Variants in SH3GL2 observed in about 807,000 individuals in gnomAD.
The protein encoded by SH3GL2 is endophilin-A1.
A neutral mutation model predicts 46.0 loss-of-function variants in SH3GL2; 24 were observed. That is an observed-to-expected ratio of 0.52 (90% confidence interval 0.38 to 0.73). The LOEUF (loss-of-function observed/expected upper bound fraction) is 0.73. SH3GL2 is among the 30% of genes least tolerant of loss of function. The pLI is 0.00. For synonymous variants in SH3GL2, 196 were observed against 147.1 expected, an observed-to-expected ratio of 1.33 and a Z score of -2.40; for missense variants, 413 against 424.2, an observed-to-expected ratio of 0.97 and a Z score of 0.23.
intron 1 of SH3GL2, among the ~76,000 whole-genome samples, chr9:17,722,015 A>C (rs1588273266): frequency 6.6e-6 from 1 of 152,096 alleles, no homozygotes; most frequent in Non-Finnish European, 1.5e-5. Context: ...TATGATTTTC[A>C]TCACAGTAGC....
intron 1 of SH3GL2, among the ~76,000 whole-genome samples, chr9:17,734,552 A>G (rs1822271697): frequency 6.6e-6 from 1 of 152,254 alleles, no homozygotes; most frequent in Admixed American, 6.5e-5. Flanking sequence ...GTAGCACACA[A>G]TGTCCATTAA....
chr9:17,645,697 G>GC (rs1448567572), intron 1 of SH3GL2, among the ~76,000 whole-genome samples: 1 of 152,044 alleles, frequency 6.6e-6, no homozygotes, highest in Non-Finnish European at 1.5e-5. Context: ...TTGAATATTG[G>GC]CCCCCACTGT....
In SH3GL2 at chr9:17,657,559, A is replaced by G. The variant is rs12004945; in HGVS notation, c.45+78272A>G. ...TGTTTCCTCTCTGTGAATTAAGGAA[A>G]GTAGTAAAACTACCCTGCCTCCCAA... On this transcript the variant is annotated intron_variant, in intron 1 of 8. Coordinates refer to ENST00000380607, the MANE Select transcript of SH3GL2 (RefSeq NM_003026.5). Among the ~76,000 whole-genome samples, 208 of 152,324 alleles carry G rather than the reference A, an allele frequency of 1.4e-3. 1 individual carries two copies. The highest frequency in any genetic ancestry group is 4.8e-3 in the African/African-American group (201 of 41,570).
intron 1 of SH3GL2, among the ~76,000 whole-genome samples, chr9:17,662,908 G>A (rs1820257151): frequency 6.6e-6 from 1 of 151,950 alleles, no homozygotes; most frequent in Non-Finnish European, 1.5e-5. Flanking sequence ...ACAGGGTTTT[G>A]CCATGTTGGC....
chr9:17,610,201 C>T (rs1171714200), intron 1 of SH3GL2, among the ~76,000 whole-genome samples: 1 of 152,172 alleles, frequency 6.6e-6, no homozygotes, highest in African/African-American at 2.4e-5. Flanking sequence ...TAGCAAAATG[C>T]ACATAAGTGT....
rs143054688 is a variant in SH3GL2, at chr9:17,586,594, C to G, written c.45+7307C>G. ...CACAGTTCTGCATGGCTAGGGAGGG[C>G]TCAGGAAACTTACAGTCATGGCAGA... is the stretch of plus-strand genomic sequence containing the variant. On this transcript the variant is annotated intron_variant, in intron 1 of 8. Coordinates refer to ENST00000380607, the MANE Select transcript of SH3GL2 (RefSeq NM_003026.5). 1.2e-3 allele frequency among the ~76,000 whole-genome samples: 183 copies of G among 152,176 alleles called. 1 individual carries two copies. In the East Asian group the frequency reaches 0.017, roughly 14 times the overall value.
intron 1 of SH3GL2, among the ~76,000 whole-genome samples, chr9:17,658,835 T>C (rs1273127430): frequency 6.6e-6 from 1 of 152,224 alleles, no homozygotes; most frequent in Non-Finnish European, 1.5e-5. Context: ...TCACCACTGC[T>C]TGCTCTACCA....
intron 7 of SH3GL2, among the ~76,000 whole-genome samples, chr9:17,792,463 T>C (rs1186282246): frequency 6.6e-6 from 1 of 152,180 alleles, no homozygotes; most frequent in Admixed American, 6.5e-5. Flanking sequence ...GCATATCTCT[T>C]ACATACTTTG....
chr9:17,696,564 T>G (rs1291346323), intron 1 of SH3GL2, among the ~76,000 whole-genome samples: 1 of 152,058 alleles, frequency 6.6e-6, no homozygotes, highest in African/African-American at 2.4e-5. Flanking sequence ...AAAGGCACCT[T>G]CTTCACAGGG....
chr9:17,586,427 T>C (rs1054250909), intron 1 of SH3GL2, among the ~76,000 whole-genome samples: 3 of 152,192 alleles, frequency 2.0e-5, no homozygotes, highest in East Asian at 3.8e-4. Flanking sequence ...AAACTAACCT[T>C]TCCCCATAGA....
rs145091685 is a variant in SH3GL2 at position 17,708,331 on chromosome 9, A to G, written c.46-38735A>G. Among the ~76,000 whole-genome samples, 1,284 of 152,078 alleles carry G rather than the reference A, an allele frequency of 8.4e-3. 24 individuals are homozygous for G. The highest frequency in any genetic ancestry group is 0.029 in the African/African-American group (1,203 of 41,530). ...GAATTTTGTTTCTGCTTAAATGATTATCACGCTTTATATATTTCATTTTTT... is the reference window on the plus strand; with the variant it reads ...GAATTTTGTTTCTGCTTAAATGATTGTCACGCTTTATATATTTCATTTTTT... On this transcript the variant is annotated intron_variant, in intron 1 of 8. Coordinates refer to ENST00000380607, the MANE Select transcript of SH3GL2 (RefSeq NM_003026.5).
In SH3GL2 at chr9:17,645,789, C is replaced by G. The variant is rs1819799991; in HGVS notation, c.45+66502C>G. On this transcript the variant is annotated intron_variant, in intron 1 of 8. Coordinates refer to ENST00000380607, the MANE Select transcript of SH3GL2 (RefSeq NM_003026.5). The stretch of plus-strand genomic sequence containing the variant: ...TTTGTGGGTAACCTGACCTTTCTCA[C>G]TGCTTGCACTTAACATTTTTTCCTT... 5.3e-5 allele frequency among the ~76,000 whole-genome samples: 8 copies of G among 152,126 alleles called. No homozygotes were observed. In the South Asian group the frequency reaches 1.7e-3, roughly 32 times the overall value.
chr9:17,770,963 C>A (rs1823462839), intron 3 of SH3GL2, among the ~76,000 whole-genome samples: 1 of 152,196 alleles, frequency 6.6e-6, no homozygotes, highest in South Asian at 2.1e-4. Flanking sequence ...CCTGGCGAGA[C>A]CCTGAGCATA....
chr9:17,587,257 C>G (rs1398116042), intron 1 of SH3GL2, among the ~76,000 whole-genome samples: 2 of 152,036 alleles, frequency 1.3e-5, no homozygotes, highest in South Asian at 4.1e-4. Flanking sequence ...GTGAATGACT[C>G]CAGTGAGGAA....
rs150399959 is a variant in SH3GL2, at chr9:17,782,010, T to G, written c.188-4371T>G. ...GAGCAGAGGCTGCACCTCACTTCTT[T>G]CAGAGTCCCCCTAGACATAGCACTT... On this transcript the variant is annotated intron_variant, in intron 3 of 8. Coordinates refer to ENST00000380607, the MANE Select transcript of SH3GL2 (RefSeq NM_003026.5). 1.9e-4 allele frequency among the ~76,000 whole-genome samples: 29 copies of G among 152,278 alleles called. No individual in the cohort carries two copies. In the East Asian group the frequency reaches 4.4e-3, roughly 23 times the overall value.
intron 1 of SH3GL2, among the ~76,000 whole-genome samples, chr9:17,682,804 T>C (rs918010600): frequency 1.3e-5 from 2 of 152,140 alleles, no homozygotes; most frequent in Non-Finnish European, 2.9e-5. Context: ...TCCTAAGCAC[T>C]TCCTCACATG....
intron 1 of SH3GL2, among the ~76,000 whole-genome samples, chr9:17,623,050 C>CCTTTCCTT (rs1819190772): frequency 1.8e-5 from 2 of 109,092 alleles, no homozygotes; most frequent in Non-Finnish European, 4.0e-5. Flanking sequence ...CCTTCCCCTT[C>CCTTTCCTT]CCCTTCCCCT....
intron 1 of SH3GL2, among the ~76,000 whole-genome samples, chr9:17,631,700 C>A (rs1819430368): frequency 2.0e-5 from 3 of 152,094 alleles, no homozygotes; most frequent in Admixed American, 2.0e-4. Flanking sequence ...TTAAAACATC[C>A]TTTATTCTCC....
At chr9:17,594,524 A>G (rs1818537563) in intron 1 of SH3GL2, among the ~76,000 whole-genome samples, 1 of 152,112 alleles carries the variant, frequency 6.6e-6, no homozygotes, top group Non-Finnish European at 1.5e-5. Context: ...CAAATGGCTA[A>G]TGCATGTGGG....
Sources: gnomAD v4.1 joint callset for allele counts (sites outside exome capture counted in the v4.1 genomes callset) on GRCh38, gnomAD v4.1.1 for gene constraint, MANE v1.5 for transcripts, NCBI Gene and HGNC (gene_info 2026-07-23, HGNC 2026-07-21) for gene names.